The following DNAH8 variants were observed in gnomAD, a reference collection of about 807,000 sequenced individuals.
The protein encoded by DNAH8 is axonemal beta dynein heavy chain 8.
A neutral mutation model predicts 562.1 loss-of-function variants in DNAH8; 382 were observed. That is an observed-to-expected ratio of 0.68 (90% CI 0.63 to 0.74). The LOEUF is 0.74. Among genes scored for constraint, DNAH8 ranks in the 30% least tolerant of loss-of-function variants. The pLI, the probability that DNAH8 is intolerant of heterozygous loss-of-function variation, is 0.00. For missense variants in DNAH8, 5,203 were observed against 5,620.4 expected (o/e 0.93, Z 2.37); for synonymous variants, 1,881 against 1,919.4 (o/e 0.98, Z 0.52).
intron 3 of DNAH8, among the ~76,000 whole-genome samples, chr6:38,726,114 T>A (rs1251134710): frequency 6.6e-6 from 1 of 152,184 alleles, no homozygotes; most frequent in African/African-American, 2.4e-5. Flanking sequence ...GTCCCGAGGA[T>A]CAGTCCTGCA....
intron 63 of DNAH8, among the ~76,000 whole-genome samples, chr6:38,906,901 A>G (rs2150521478): frequency 6.6e-6 from 1 of 152,296 alleles, no homozygotes; most frequent in East Asian, 1.9e-4. Context: ...CCAAAATCTG[A>G]AACTTTTTGA....
chr6:38,883,113 A>G (rs1778638789), intron 54 of DNAH8, 61 bp downstream of exon 54: 1 of 1,431,434 alleles, frequency 7.0e-7, no homozygotes, highest in Non-Finnish European at 9.3e-7. Flanking sequence ...GGGAATATGC[A>G]CCCATATTTT....
intron 91 of DNAH8, among the ~76,000 whole-genome samples, chr6:39,016,191 C>G (rs566278701): frequency 3.9e-5 from 6 of 152,142 alleles, no homozygotes; most frequent in African/African-American, 1.4e-4. Flanking sequence ...TCCTCTAATT[C>G]AGTCCTCTTC....
chr6:38,758,252 T>C (rs1766129122), intron 10 of DNAH8, among the ~76,000 whole-genome samples: 1 of 152,056 alleles, frequency 6.6e-6, no homozygotes, highest in Non-Finnish European at 1.5e-5. Context: ...ACATCCCTTG[T>C]AAGTTGGATT....
chr6:38,756,563 A>G (rs1765925687), intron 10 of DNAH8, among the ~76,000 whole-genome samples: 3 of 152,234 alleles, frequency 2.0e-5, no homozygotes, highest in African/African-American at 7.2e-5. Context: ...GTACATGTGC[A>G]TAATGTGCAG....
intron 76 of DNAH8, chr6:38,932,733 G>A (rs1057457817): frequency 6.6e-6 from 1 of 152,150 alleles, no homozygotes; most frequent in Non-Finnish European, 1.5e-5. Flanking sequence ...GTGAGAAAAA[G>A]AATGACAAGG....
intron 21 of DNAH8, among the ~76,000 whole-genome samples, chr6:38,798,259 T>C (rs1487527662): frequency 6.6e-6 from 1 of 152,326 alleles, no homozygotes; most frequent in Middle Eastern, 3.4e-3. Flanking sequence ...TAAAAACCAG[T>C]AAGTTACACA....
intron 82 of DNAH8, among the ~76,000 whole-genome samples, chr6:38,970,108 C>T (rs1220721821): frequency 2.0e-5 from 3 of 152,150 alleles, no homozygotes; most frequent in Non-Finnish European, 2.9e-5. Context: ...CCCAGGGCCA[C>T]CTGAACGAAA....
chr6:38,987,681 T>G (rs1764491800), intron 87 of DNAH8, among the ~76,000 whole-genome samples: 1 of 152,010 alleles, frequency 6.6e-6, no homozygotes, highest in Admixed American at 6.6e-5. Context: ...TCCCTAAGAG[T>G]GGCACAACCT....
intron 43 of DNAH8, among the ~76,000 whole-genome samples, chr6:38,861,752 T>C (rs1776639166): frequency 6.6e-6 from 1 of 152,150 alleles, no homozygotes. Context: ...CAGGCTGGTC[T>C]TGAACTCCTG....
chr6:38,756,891 G>A (rs1765965844), intron 10 of DNAH8, among the ~76,000 whole-genome samples: 1 of 152,166 alleles, frequency 6.6e-6, no homozygotes, highest in Non-Finnish European at 1.5e-5. Context: ...TGGTGTGTAT[G>A]TGCCACATTT....
chr6:38,909,740 C>T lies in DNAH8; in HGVS notation c.9736C>T (p.Gln3246Ter). Reference protein sequence around the residue: ...MVSESCESYFQRYRRRAHVTP... With the variant: ...MVSESCESYF Reference sequence around the variant, plus strand: ...TTCAGAGAGCTGTGAAAGTTATTTCCAAAGGTAAGTGATATTACATAAGCA... The same window carrying T: ...TTCAGAGAGCTGTGAAAGTTATTTCTAAAGGTAAGTGATATTACATAAGCA... Residue 3246 changes from glutamine to a stop codon, truncating the protein, a stop_gained, in exon 65 of 93, where the codon CAA (glutamine) becomes TAA (stop). Coordinates refer to ENST00000327475, the MANE Select transcript of DNAH8 (RefSeq NM_001206927.2). LOFTEE classifies it high-confidence loss of function. The T allele has an allele frequency of 6.2e-7, 1 of 1,613,022 alleles. No individual in the cohort carries two copies. Among genetic ancestry groups the T allele is most frequent in the East Asian group, 2.2e-5 (1 of 44,828 alleles).
chr6:38,873,008 G>C lies in DNAH8; in HGVS notation c.7340G>C (p.Gly2447Ala), dbSNP rs918102003. ...DDNKTLTLAN[G>A]DRIPMAPSCK... ...AATAAAACTCTGACGTTAGCTAATG[G>C]AGATCGCATTCCCATGGCCCCTAGT... The change falls in exon 51 of 93, where the codon GGA becomes GCA. Residue 2447 changes from glycine (G) to alanine (A), a missense_variant. Physicochemically the swap from Gly to Ala is moderately conservative, Grantham distance 60 (BLOSUM62 0). This residue lies in a region of DNAH8 where 977 missense variants were observed against 1,061.8 expected (regional missense o/e 0.92). Transcript: ENST00000327475. The C allele has an allele frequency of 6.2e-7, 1 of 1,613,938 alleles. No homozygotes were observed. Among genetic ancestry groups the C allele is most frequent in the Non-Finnish European group, 8.5e-7 (1 of 1,180,000 alleles).
At chr6:38,833,032 TAG>T (rs1254353735) in intron 31 of DNAH8, among the ~76,000 whole-genome samples, 4 of 152,134 alleles carry the variant, frequency 2.6e-5, no homozygotes, top group Non-Finnish European at 5.9e-5. Flanking sequence ...CACTAACTCT[TAG>T]AGAACCAAAA....
chr6:38,755,011 C>CA (rs1289823722), intron 9 of DNAH8, among the ~76,000 whole-genome samples: 2 of 152,022 alleles, frequency 1.3e-5, no homozygotes, highest in African/African-American at 4.8e-5. Context: ...CATACATTCT[C>CA]AAAGAAGTTT....
At chr6:38,749,836 T>C (rs1007655750) in intron 8 of DNAH8, among the ~76,000 whole-genome samples, 3 of 152,190 alleles carry the variant, frequency 2.0e-5, no homozygotes, top group Non-Finnish European at 2.9e-5. Context: ...TCTTTTTTAT[T>C]TTTTATTTTT....
In DNAH8 at chr6:38,828,241, G is replaced by A; in HGVS notation, c.4141G>A (p.Ala1381Thr). 6.3e-7 allele frequency: 1 copy of A among 1,595,134 alleles called. No individual in the cohort carries two copies. The highest frequency in any genetic ancestry group is 1.8e-5 in the Admixed American group (1 of 56,722). ...TGAAGTAACCAAAGAAGAATCAGAA[G>A]CAGTTGATACCTTAAGATATTCTTT... ...EVEVTKEESE[A>T]VDTLRYSFNK... The change falls in exon 30 of 93, where the codon GCA becomes ACA. Residue 1381 changes from alanine to threonine, a missense_variant. By Grantham distance (58) the Ala-to-Thr change is moderately conservative. This residue lies in a region of DNAH8 where 2,176 missense variants were observed against 2,365.1 expected (regional missense o/e 0.92). Coordinates refer to ENST00000327475, the MANE Select transcript of DNAH8 (RefSeq NM_001206927.2).
intron 33 of DNAH8, among the ~76,000 whole-genome samples, chr6:38,840,722 C>G (rs1774712309): frequency 6.6e-6 from 1 of 152,060 alleles, no homozygotes; most frequent in Admixed American, 6.5e-5. Context: ...TCTCTTTACC[C>G]TTTTAGGTAG....
In DNAH8 at chr6:38,883,349, A is replaced by G; in HGVS notation, c.8029A>G (p.Thr2677Ala). The G allele has an allele frequency of 6.2e-7, 1 of 1,612,752 alleles. No individual in the cohort carries two copies. The change falls in exon 55 of 93, where the codon ACT becomes GCT. Residue 2677 changes from threonine (T) to alanine (A), a missense_variant. Physicochemically the swap from Thr to Ala is moderately conservative, Grantham distance 58. This residue lies in a region of DNAH8 where 977 missense variants were observed against 1,061.8 expected (regional missense o/e 0.92). Coordinates refer to ENST00000327475, the MANE Select transcript of DNAH8 (RefSeq NM_001206927.2). ...TGTTTTGCTCACAGGAGAGCAGGGAACTGCAAAAACTGTCATGGTTAAGGC... is the reference window on the plus strand; with the variant it reads ...TGTTTTGCTCACAGGAGAGCAGGGAGCTGCAAAAACTGTCATGGTTAAGGC... ...KAVLLTGEQG[T>A]AKTVMVKAYL...
Sources: gnomAD v4.1 joint callset for allele counts (sites outside exome capture counted in the v4.1 genomes callset) on GRCh38, gnomAD v4.1.1 for gene constraint, gnomAD v4.1.1 regional missense constraint, MANE v1.5 for transcripts, NCBI Gene and HGNC (gene_info 2026-07-23, HGNC 2026-07-21) for gene names.